The following SZRD1 variants were observed in gnomAD, a reference collection of about 807,000 sequenced individuals.
SZRD1 encodes the protein SUZ RNA binding domain containing 1, also known as SUZ RNA-binding domain-containing.
Under a neutral mutation model 17.6 loss-of-function variants are expected in SZRD1, and 7 were observed. The ratio of observed to expected loss-of-function variants is 0.40; its 90% CI spans 0.23 to 0.75. The LOEUF (loss-of-function observed/expected upper bound fraction) is 0.75, where lower values mean the gene tolerates loss of function less well. SZRD1 is among the 30% of genes least tolerant of loss of function. The pLI, the probability that SZRD1 is intolerant of heterozygous loss-of-function variation, is 0.38. For synonymous variants in SZRD1, 77 were observed against 77.9 expected (o/e 0.99, Z 0.06); for missense variants, 178 against 201.8 (o/e 0.88, Z 0.71).
chr1:16,387,600 C>T (rs61770605), intron 1 of SZRD1: 40,287 of 456,610 alleles, frequency 0.088, 2,234 homozygotes, highest in Non-Finnish European at 0.12. Flanking sequence ...ATGCTCCGTG[C>T]GAGTGGAGTT....
rs1570044444 is a variant in SZRD1 at position 16,391,280 on chromosome 1, A to G, written c.52-95A>G. ...GAAGGACACAGTCATGTCCCTGGCT[A>G]GAGAAAGGACACTGCCCTTAGCTCC... On this transcript the variant is annotated intron_variant, in intron 1 of 3. Coordinates refer to ENST00000401088, the MANE Select transcript of SZRD1 (RefSeq NM_001114600.3). This position sits in a 1 kb window ranked among gnomAD's most constrained non-coding sequence, Gnocchi z 4.3. The G allele has an allele frequency of 3.3e-6, 3 of 907,376 alleles. No individual in the cohort carries two copies. Among genetic ancestry groups the G allele is most frequent in the Admixed American group, 2.3e-5 (1 of 43,514 alleles). 56.2% of individuals were successfully genotyped at this position (907,376 alleles called of 1,614,324 possible).
Position 16,393,223 on chromosome 1 carries a change from G to A in SZRD1, c.102-5G>A. ...ATTTGTGAAGCTGTGTTTGCTCTTT[G>A]TCAGCAGGAAATCCAAATCTCCTCC... On this transcript the variant is annotated splice_polypyrimidine_tract_variant and splice_region_variant and intron_variant, in intron 2 of 3. Coordinates refer to ENST00000401088, the MANE Select transcript of SZRD1 (RefSeq NM_001114600.3). The surrounding 1 kb of genome is among the most constrained non-coding windows in gnomAD (Gnocchi z 5.6). 3 of 1,613,532 alleles carry A rather than the reference G, an allele frequency of 1.9e-6. No individual in the cohort carries two copies. The highest frequency in any genetic ancestry group is 2.5e-6 in the Non-Finnish European group (3 of 1,179,554).
intron 1 of SZRD1, among the ~76,000 whole-genome samples, chr1:16,370,462 A>C (rs12123011): frequency 0.19 from 29,385 of 151,174 alleles, 3,251 homozygotes; most frequent in Non-Finnish European, 0.24. Context: ...CCTGGCCTCA[A>C]GTGATCCTCC....
At chr1:16,389,467 T>C (rs1229811087) in intron 1 of SZRD1, among the ~76,000 whole-genome samples, 3 of 41,850 alleles carry the variant, frequency 7.2e-5, no homozygotes, top group African/African-American at 1.8e-4. Context: ...AACGCCTGGC[T>C]AATTTTTTTT....
chr1:16,369,919 G>A (rs935684740), intron 1 of SZRD1, among the ~76,000 whole-genome samples: 10 of 151,182 alleles, frequency 6.6e-5, no homozygotes, highest in Non-Finnish European at 1.5e-5. Context: ...AAACTACAGA[G>A]GTGGAACACA....
At chr1:16,374,058 C>CA (rs200437858) in intron 1 of SZRD1, among the ~76,000 whole-genome samples, 2 of 151,882 alleles carry the variant, frequency 1.3e-5, no homozygotes, top group East Asian at 3.9e-4. Context: ...AACAAAACAA[C>CA]AAAAAAAGGC....
chr1:16,375,706 A>G (rs1398259384), intron 1 of SZRD1, among the ~76,000 whole-genome samples: 2 of 152,214 alleles, frequency 1.3e-5, no homozygotes, highest in Non-Finnish European at 2.9e-5. Flanking sequence ...TTCCCTTATA[A>G]AAGGAACACA....
chr1:16,373,630 ACT>A (rs1419036216), intron 1 of SZRD1, among the ~76,000 whole-genome samples: 2 of 149,050 alleles, frequency 1.3e-5, no homozygotes, highest in East Asian at 4.0e-4. Context: ...ACAGGGTCTC[ACT>A]CTGTCACCCA....
intron 1 of SZRD1, chr1:16,369,411 C>A: frequency 9.2e-7 from 1 of 1,085,540 alleles, no homozygotes. Flanking sequence ...GCAAAAACTG[C>A]TCAAAATTGG....
At chr1:16,367,609 G>A (rs2082844545) in intron 1 of SZRD1, 3 of 468,488 alleles carry the variant, frequency 6.4e-6, no homozygotes, top group African/African-American at 4.1e-5. Flanking sequence ...CTTGCTGGCC[G>A]TGGGCCTCTG....
At chr1:16,384,392 G>A (rs78306172) in intron 1 of SZRD1, among the ~76,000 whole-genome samples, 1 of 148,636 alleles carries the variant, frequency 6.7e-6, no homozygotes, top group Middle Eastern at 3.2e-3. Flanking sequence ...AAAAAAAAAA[G>A]GGAAAAAGAA....
chr1:16,379,818 TG>T (rs1324356771), intron 1 of SZRD1, among the ~76,000 whole-genome samples: 8 of 148,656 alleles, frequency 5.4e-5, no homozygotes, highest in African/African-American at 2.0e-4. Context: ...TGGAGTGCAG[TG>T]GCGCAGTCTT....
intron 1 of SZRD1, among the ~76,000 whole-genome samples, chr1:16,375,269 C>T (rs1479094669): frequency 6.6e-6 from 1 of 152,056 alleles, no homozygotes; most frequent in Non-Finnish European, 1.5e-5. Context: ...AACCATGCCC[C>T]ACAGAAATTA....
intron 1 of SZRD1, among the ~76,000 whole-genome samples, chr1:16,378,295 T>C (rs2083037191): frequency 6.6e-6 from 1 of 150,632 alleles, no homozygotes; most frequent in South Asian, 2.1e-4. Flanking sequence ...CTTTTTTTTT[T>C]TTTTTTTTGA....
At chr1:16,377,451 C>T (rs552089398) in intron 1 of SZRD1, among the ~76,000 whole-genome samples, 8 of 150,746 alleles carry the variant, frequency 5.3e-5, no homozygotes, top group Admixed American at 4.7e-4. Flanking sequence ...GGGACGTGGT[C>T]GTGTGCACCT....
At position 16,391,244 on chromosome 1, in the gene SZRD1, T is replaced by G; in HGVS notation, c.52-131T>G. ...CCCAAACCCCAAAATCTAGTCCACATTTGTTATGTTGAAGGACACAGTCAT... is the reference window on the plus strand; with the variant it reads ...CCCAAACCCCAAAATCTAGTCCACAGTTGTTATGTTGAAGGACACAGTCAT... On this transcript the variant is annotated intron_variant, in intron 1 of 3. Transcript: ENST00000401088. The surrounding 1 kb of genome is among the most constrained non-coding windows in gnomAD (Gnocchi z 4.3). 8.8e-6 allele frequency: 6 copies of G among 681,204 alleles called. No individual in the cohort carries two copies. Among genetic ancestry groups the G allele is most frequent in the Non-Finnish European group, 1.3e-5 (5 of 395,934 alleles). The allele number at this position is 681,204 out of a possible 1,614,324, so 42.2% of individuals were successfully genotyped here.
intron 1 of SZRD1, chr1:16,369,058 C>T: frequency 3.8e-6 from 1 of 262,712 alleles, no homozygotes; most frequent in Non-Finnish European, 7.1e-6. Flanking sequence ...AGACTTAGGT[C>T]TTTCTGACGC....
In SZRD1 at chr1:16,393,544, G is replaced by T; in HGVS notation, c.356+62G>T. 3.3e-6 allele frequency: 5 copies of T among 1,521,698 alleles called. No individual in the cohort carries two copies. Among genetic ancestry groups the T allele is most frequent in the Non-Finnish European group, 4.4e-6 (5 of 1,129,368 alleles). 94.3% of individuals were successfully genotyped at this position (1,521,698 alleles called of 1,614,324 possible). ...TCCCAGTCCACCCGGGAAGAGGAGA[G>T]CATCCTGGCTGCGTGTAGAGTAGTG... On this transcript the variant is annotated intron_variant, in intron 3 of 3. Coordinates refer to ENST00000401088, the MANE Select transcript of SZRD1 (RefSeq NM_001114600.3). This position sits in a 1 kb window ranked among gnomAD's most constrained non-coding sequence, Gnocchi z 5.6.
intron 1 of SZRD1, among the ~76,000 whole-genome samples, chr1:16,373,537 C>G (rs2082947150): frequency 6.6e-6 from 1 of 150,962 alleles, no homozygotes; most frequent in Non-Finnish European, 1.5e-5. Flanking sequence ...CGAGATTGCA[C>G]CATTGCACTC....
Sources: allele counts gnomAD v4.1 joint callset (sites outside exome capture counted in the v4.1 genomes callset), GRCh38; gene constraint gnomAD v4.1.1; non-coding constraint Gnocchi (gnomAD v3.1); transcripts MANE v1.5; gene names NCBI Gene and HGNC (gene_info 2026-07-23, HGNC 2026-07-21).